The following MORC1 variants were observed in gnomAD, a reference collection of about 807,000 sequenced individuals.
The protein encoded by MORC1 is MORC family CW-type zinc finger protein 1.
In MORC1, 59 loss-of-function variants were observed where a neutral mutation model predicts 134.9. The observed-to-expected ratio is 0.44, with a 90% CI of 0.35 to 0.54. MORC1 has a LOEUF of 0.54. Among genes scored for constraint, MORC1 ranks in the 20% least tolerant of loss-of-function variants. The pLI, the probability that MORC1 is intolerant of heterozygous loss-of-function variation, is 0.00. For synonymous variants in MORC1, 395 were observed against 391.7 expected (o/e 1.01, Z -0.10); for missense variants, 947 against 1,134.5 (o/e 0.83, Z 2.37).
intron 14 of MORC1, among the ~76,000 whole-genome samples, chr3:109,039,379 A>G (rs1949457769): frequency 6.6e-6 from 1 of 152,260 alleles, no homozygotes; most frequent in Non-Finnish European, 1.5e-5. Context: ...GAGTGACTGC[A>G]GTAACCTGCC....
intron 3 of MORC1, among the ~76,000 whole-genome samples, chr3:109,106,298 G>T (rs1316134959): frequency 2.0e-5 from 3 of 152,202 alleles, no homozygotes; most frequent in African/African-American, 4.8e-5. Flanking sequence ...CTTGCAGAAA[G>T]AAGGGTATTC....
intron 14 of MORC1, among the ~76,000 whole-genome samples, chr3:109,045,715 G>T (rs995099582): frequency 5.3e-5 from 8 of 152,156 alleles, no homozygotes; most frequent in African/African-American, 1.7e-4. Flanking sequence ...GGGTATGGTG[G>T]CATGCGGTTG....
At chr3:109,023,933 G>T (rs137981286) in intron 17 of MORC1, among the ~76,000 whole-genome samples, 6 of 152,334 alleles carry the variant, frequency 3.9e-5, no homozygotes, top group African/African-American at 1.2e-4. Flanking sequence ...GTTAGAAACA[G>T]ATTACTTATT....
At chr3:109,094,848 C>A in intron 7 of MORC1, 61 bp downstream of exon 7, 1 of 1,454,714 alleles carries the variant, frequency 6.9e-7, no homozygotes, top group Non-Finnish European at 9.1e-7. Flanking sequence ...TGTACAGTGT[C>A]TTTGATAAGA....
chr3:109,007,285 C>T (rs183096860), intron 17 of MORC1, among the ~76,000 whole-genome samples, 194 bp from the exon 18 acceptor site: 38 of 152,244 alleles, frequency 2.5e-4, no homozygotes, highest in Admixed American at 2.5e-3. Context: ...CAAGACAGTG[C>T]AAGAAAATCC....
chr3:109,008,843 C>T (rs1948613838), intron 17 of MORC1, among the ~76,000 whole-genome samples: 1 of 152,012 alleles, frequency 6.6e-6, no homozygotes, highest in African/African-American at 2.4e-5. Flanking sequence ...CAGTATGATC[C>T]TTCTCAGTGT....
chr3:109,100,876 C>T (rs1950912844), intron 4 of MORC1, among the ~76,000 whole-genome samples: 1 of 151,954 alleles, frequency 6.6e-6, no homozygotes, highest in Admixed American at 6.6e-5. Flanking sequence ...TTATAAGGAA[C>T]CTGGAAAAGA....
At position 108,959,131 on chromosome 3, in the gene MORC1, G is replaced by A. The variant is rs778287707; in HGVS notation, c.2800-11C>T. 1 of 1,570,646 alleles carries A rather than the reference G, an allele frequency of 6.4e-7. No individual in the cohort carries two copies. The highest frequency in any genetic ancestry group is 1.2e-5 in the South Asian group (1 of 83,148). On this transcript the variant is annotated splice_polypyrimidine_tract_variant and intron_variant, in intron 27 of 27. Coordinates refer to ENST00000232603, the MANE Select transcript of MORC1 (RefSeq NM_014429.4). ...ACCTTCTGGACCACCCTGGAAAAGA[G>A]AAGCAACAGTCACACCAGGGAAAGA...
chr3:109,045,823 G>A (rs923469098), intron 14 of MORC1, among the ~76,000 whole-genome samples: 3 of 151,992 alleles, frequency 2.0e-5, no homozygotes, highest in East Asian at 1.9e-4. Flanking sequence ...AGCACAGTAC[G>A]CTCCCCTGCA....
intron 8 of MORC1, among the ~76,000 whole-genome samples, chr3:109,077,829 C>CA (rs147340146): frequency 0.018 from 2,604 of 146,754 alleles, 82 homozygotes; most frequent in African/African-American, 0.061. Flanking sequence ...TTAGAATAAG[C>CA]AAAAAAAAAA....
At chr3:109,004,106 CT>C (rs1179083006) in intron 20 of MORC1, among the ~76,000 whole-genome samples, 6 of 151,780 alleles carry the variant, frequency 4.0e-5, no homozygotes, top group Non-Finnish European at 5.9e-5. Flanking sequence ...AGAATAATTC[CT>C]TTTGAAAAGA....
intron 17 of MORC1, 146 bp from the exon 18 acceptor site, chr3:109,007,237 G>A: frequency 3.4e-6 from 2 of 595,454 alleles, no homozygotes; most frequent in South Asian, 2.3e-5. Context: ...GTGCATTTAA[G>A]TTTAGATATC....
intron 16 of MORC1, among the ~76,000 whole-genome samples, chr3:109,032,355 C>A (rs1949259860): frequency 1.3e-5 from 2 of 152,156 alleles, no homozygotes; most frequent in Non-Finnish European, 2.9e-5. Context: ...AGCATACGGT[C>A]TAACAGTTTA....
chr3:109,112,742 C>T (rs913331371), intron 2 of MORC1, among the ~76,000 whole-genome samples: 2 of 152,186 alleles, frequency 1.3e-5, no homozygotes, highest in Admixed American at 1.3e-4. Flanking sequence ...TATCTTAAAC[C>T]TTATAAACAA....
intron 23 of MORC1, among the ~76,000 whole-genome samples, chr3:108,983,433 G>A (rs1947806068): frequency 1.3e-5 from 2 of 151,956 alleles, no homozygotes; most frequent in South Asian, 4.1e-4. Context: ...AGTAATACAC[G>A]CTTTGAAAAA....
intron 14 of MORC1, among the ~76,000 whole-genome samples, chr3:109,039,400 A>G (rs1233152492): frequency 6.6e-6 from 1 of 152,232 alleles, no homozygotes; most frequent in Non-Finnish European, 1.5e-5. Context: ...TTGCAAATTT[A>G]TCACAAAGAA....
intron 2 of MORC1, among the ~76,000 whole-genome samples, chr3:109,111,134 A>G (rs1951161821): frequency 6.6e-6 from 1 of 152,084 alleles, no homozygotes; most frequent in Non-Finnish European, 1.5e-5. Flanking sequence ...AGTTCAAAAA[A>G]AAAAGAAAAA....
Position 109,058,126 on chromosome 3 carries a change from G to A in MORC1, c.1032-640C>T, listed in dbSNP as rs1432028484. The stretch of plus-strand genomic sequence containing the variant: ...GTGATAAAAACAGCTATGGTAAGGA[G>A]TTATGATATAAACACCTGTAATATC... On this transcript the variant is annotated intron_variant, in intron 12 of 27. Transcript: ENST00000232603. Among the ~76,000 whole-genome samples, 5 of 152,244 alleles carry A rather than the reference G, an allele frequency of 3.3e-5. No homozygotes were observed. In the South Asian group the frequency reaches 8.3e-4, roughly 25 times the overall value.
chr3:109,020,340 A>G (rs1453922173), intron 17 of MORC1, among the ~76,000 whole-genome samples: 2 of 152,220 alleles, frequency 1.3e-5, no homozygotes, highest in East Asian at 3.8e-4. Flanking sequence ...AACGTCAGTT[A>G]GTTCTTCAGG....
Sources: gnomAD v4.1 joint callset for allele counts (sites outside exome capture counted in the v4.1 genomes callset) on GRCh38, gnomAD v4.1.1 for gene constraint, MANE v1.5 for transcripts, NCBI Gene and HGNC (gene_info 2026-07-23, HGNC 2026-07-21) for gene names.